TMPRSS15: variants seen among roughly 807,000 people sequenced by gnomAD.
The protein encoded by TMPRSS15 is enteropeptidase.
A neutral mutation model predicts 125.3 loss-of-function variants in TMPRSS15; 128 were observed. The observed-to-expected ratio is 1.02, with a 90% CI of 0.89 to 1.18. The LOEUF is 1.18. Among genes scored for constraint, TMPRSS15 ranks in the 50% most tolerant of loss-of-function variants. The probability of loss-of-function intolerance (pLI) is 0.00; values close to 1 mark genes in which losing one functional copy is unlikely to be tolerated. For missense variants in TMPRSS15, 1,283 were observed against 1,212.7 expected, an observed-to-expected ratio of 1.06 and a Z score of -0.86; for synonymous variants, 446 against 423.2, an observed-to-expected ratio of 1.05 and a Z score of -0.66.
intron 1 of TMPRSS15, among the ~76,000 whole-genome samples, chr21:18,457,485 G>C (rs1287780345): frequency 6.6e-6 from 1 of 152,090 alleles, no homozygotes; most frequent in Non-Finnish European, 1.5e-5. Flanking sequence ...AGTATGCTAT[G>C]TACAGGAGAT....
chr21:18,435,478 A>G (rs1355920227), intron 1 of TMPRSS15, among the ~76,000 whole-genome samples: 1 of 152,194 alleles, frequency 6.6e-6, no homozygotes, highest in African/African-American at 2.4e-5. Context: ...CCAGGGATGA[A>G]GCCCACTTGT....
chr21:18,309,576 T>C (rs1402646712), intron 18 of TMPRSS15, among the ~76,000 whole-genome samples: 1 of 151,290 alleles, frequency 6.6e-6, no homozygotes, highest in Non-Finnish European at 1.5e-5. Flanking sequence ...ACAAACAAAT[T>C]TACAAGAAAA....
At chr21:18,473,331 T>C (rs1010752932) in intron 1 of TMPRSS15, among the ~76,000 whole-genome samples, 2 of 152,130 alleles carry the variant, frequency 1.3e-5, no homozygotes, top group Non-Finnish European at 2.9e-5. Flanking sequence ...ATTAGAACCC[T>C]GAAATTTTTC....
At chr21:18,471,536 G>T (rs1978780906) in intron 1 of TMPRSS15, among the ~76,000 whole-genome samples, 1 of 151,650 alleles carries the variant, frequency 6.6e-6, no homozygotes, top group Non-Finnish European at 1.5e-5. Flanking sequence ...AGTAATGTTT[G>T]CTCAAGCTGA....
At chr21:18,282,962 T>G (rs1164940865) in intron 21 of TMPRSS15, among the ~76,000 whole-genome samples, 1 of 152,106 alleles carries the variant, frequency 6.6e-6, no homozygotes, top group South Asian at 2.1e-4. Context: ...TGCTCCCACA[T>G]AGGGGAAGTT....
chr21:18,477,709 A>T (rs944335941), intron 1 of TMPRSS15: 1 of 152,072 alleles, frequency 6.6e-6, no homozygotes, highest in Non-Finnish European at 1.5e-5. Context: ...CAAAGTGCAA[A>T]TCTAGAGAAA....
chr21:18,395,701 C>T (rs1338180032), intron 3 of TMPRSS15, among the ~76,000 whole-genome samples: 2 of 151,872 alleles, frequency 1.3e-5, no homozygotes, highest in African/African-American at 2.4e-5. Context: ...TATTATGATG[C>T]CTTATTATTT....
intron 1 of TMPRSS15, among the ~76,000 whole-genome samples, chr21:18,401,817 T>A (rs1307239793): frequency 6.6e-6 from 1 of 152,230 alleles, no homozygotes; most frequent in African/African-American, 2.4e-5. Context: ...CTTTTTATAT[T>A]TAGCTGTTCA....
In TMPRSS15 at chr21:18,398,429, T is replaced by G; in HGVS notation, c.146-100A>C. 5 of 1,254,880 alleles carry G rather than the reference T, an allele frequency of 4.0e-6. No individual in the cohort carries two copies. The South Asian group carries it at 6.1e-5, about 15-fold the overall frequency. 77.7% of individuals were successfully genotyped at this position (1,254,880 alleles called of 1,614,324 possible). A position where few individuals can be genotyped will look rare whatever the true frequency, so the allele number is the denominator to read the frequency against. ...ACATAGAAGTAAAGCTCTCGCCTGA[T>G]GTGTTAGCTCTGTAGTTCTTGCTTT... is the stretch of plus-strand genomic sequence containing the variant. On this transcript the variant is annotated intron_variant, in intron 1 of 24. Coordinates refer to ENST00000284885, the MANE Select transcript of TMPRSS15 (RefSeq NM_002772.3).
chr21:18,398,323 G>A lies in TMPRSS15; in HGVS notation c.152C>T (p.Ala51Val), dbSNP rs142737041. 1.1e-5 allele frequency: 18 copies of A among 1,613,408 alleles called. No homozygotes were observed. The highest frequency in any genetic ancestry group is 6.7e-5 in the African/African-American group (5 of 74,904). The stretch of plus-strand genomic sequence containing the variant: ...TCTGGCTTCATGACTCTGTCCAAGT[G>A]CTGCACCTAGATAAATTAATAAGGA... ...LTIKESQRGA[A>V]LGQSHEARAT... Residue 51 changes from alanine (A) to valine (V), a missense_variant, in exon 2 of 25, where the codon GCA becomes GTA. Coordinates refer to ENST00000284885, the MANE Select transcript of TMPRSS15 (RefSeq NM_002772.3).
At chr21:18,335,399 A>T (rs1247130066) in intron 13 of TMPRSS15, among the ~76,000 whole-genome samples, 2 of 152,210 alleles carry the variant, frequency 1.3e-5, no homozygotes, top group Non-Finnish European at 2.9e-5. Context: ...TGGAAAATGC[A>T]TTGGATTTTG....
chr21:18,330,170 C>T (rs1475500343), intron 14 of TMPRSS15, among the ~76,000 whole-genome samples: 1 of 152,136 alleles, frequency 6.6e-6, no homozygotes. Context: ...CACATCCGAT[C>T]AATCACCTAA....
At chr21:18,463,245 G>GAAAA (rs1978585963) in intron 1 of TMPRSS15, among the ~76,000 whole-genome samples, 3 of 1,404 alleles carry the variant, frequency 2.1e-3, no homozygotes, top group Admixed American at 0.01. Context: ...CAAATGGAAA[G>GAAAA]CAAAAAAAAA....
chr21:18,481,327 C>T (rs1043207422), intron 1 of TMPRSS15, among the ~76,000 whole-genome samples: 6 of 151,694 alleles, frequency 4.0e-5, no homozygotes, highest in South Asian at 2.1e-4. Context: ...AATAGAATAA[C>T]GTATGCAAAG....
At position 18,344,018 on chromosome 21, in the gene TMPRSS15, T is replaced by C. The variant is rs1396839573; in HGVS notation, c.1214A>G (p.Glu405Gly). 6.2e-7 allele frequency: 1 copy of C among 1,614,058 alleles called. No homozygotes were observed. The highest frequency in any genetic ancestry group is 2.2e-5 in the East Asian group (1 of 44,880). The part of the protein sequence containing the change: ...STPTGPGGRQ[E>G]RVGLLSLPLD... ...AGGGAGGCTTAAAAGCCCCACTCGT[T>C]CTTGTCTCCCTCCTGGTCCAGTTGG... The change falls in exon 11 of 25, where the codon GAA becomes GGA. Residue 405 changes from glutamate (E) to glycine (G), a missense_variant. Glu to Gly is a moderately conservative substitution (Grantham distance 98, BLOSUM62 -2). Coordinates refer to ENST00000284885, the MANE Select transcript of TMPRSS15 (RefSeq NM_002772.3).
intron 13 of TMPRSS15, among the ~76,000 whole-genome samples, chr21:18,332,409 T>G (rs1378871029): frequency 6.6e-6 from 1 of 152,190 alleles, no homozygotes; most frequent in African/African-American, 2.4e-5. Context: ...GTTGGCCGCA[T>G]GTATGTCACC....
chr21:18,368,852 C>T (rs532190359), intron 6 of TMPRSS15, among the ~76,000 whole-genome samples: 10 of 152,222 alleles, frequency 6.6e-5, no homozygotes, highest in South Asian at 4.2e-4. Flanking sequence ...CTAATAGCAA[C>T]GCTCAGAATG....
At chr21:18,371,590 A>C (rs2147045409) in intron 6 of TMPRSS15, among the ~76,000 whole-genome samples, 1 of 152,298 alleles carries the variant, frequency 6.6e-6, no homozygotes, top group Admixed American at 6.5e-5. Flanking sequence ...TTAACACTCA[A>C]AAAATGCCAA....
chr21:18,373,695 G>A (rs926778764), intron 5 of TMPRSS15, among the ~76,000 whole-genome samples: 1 of 152,128 alleles, frequency 6.6e-6, no homozygotes, highest in African/African-American at 2.4e-5. Flanking sequence ...GATACAGCTA[G>A]GAACATATAT....
Sources: gnomAD v4.1 joint callset for allele counts (sites outside exome capture counted in the v4.1 genomes callset) on GRCh38, gnomAD v4.1.1 for gene constraint, MANE v1.5 for transcripts, NCBI Gene and HGNC (gene_info 2026-07-23, HGNC 2026-07-21) for gene names.